The following RSPO3 variants were observed in gnomAD, a reference collection of about 807,000 sequenced individuals.
The protein encoded by RSPO3 is R-spondin 3.
Under a neutral mutation model 36.5 loss-of-function variants are expected in RSPO3, and 17 were observed. That is an observed-to-expected ratio of 0.47 (90% confidence interval 0.32 to 0.70). The LOEUF is 0.70. Among genes scored for constraint, RSPO3 ranks in the 30% least tolerant of loss-of-function variants. The pLI is 0.04. For missense variants in RSPO3, 294 were observed against 322.5 expected, an observed-to-expected ratio of 0.91 and a Z score of 0.68; for synonymous variants, 108 against 107.0, an observed-to-expected ratio of 1.01 and a Z score of -0.06.
intron 1 of RSPO3, among the ~76,000 whole-genome samples, chr6:127,132,821 C>T (rs541562382): frequency 2.6e-5 from 4 of 152,202 alleles, no homozygotes; most frequent in African/African-American, 9.6e-5. Flanking sequence ...AGGGATTACA[C>T]AGCTAAGCAA....
At chr6:127,184,768 G>C (rs1775257062) in intron 4 of RSPO3, among the ~76,000 whole-genome samples, 1 of 151,888 alleles carries the variant, frequency 6.6e-6, no homozygotes, top group Non-Finnish European at 1.5e-5. Context: ...AATTTCTAAA[G>C]AGCTCTTGTG....
intron 1 of RSPO3, among the ~76,000 whole-genome samples, chr6:127,120,222 T>A (rs1773814659): frequency 6.6e-6 from 1 of 152,148 alleles, no homozygotes; most frequent in African/African-American, 2.4e-5. Flanking sequence ...GGTAGAATCT[T>A]CCCAAGATGA....
chr6:127,178,537 A>G (rs1041903364), intron 4 of RSPO3, among the ~76,000 whole-genome samples: 1 of 151,796 alleles, frequency 6.6e-6, no homozygotes, highest in Non-Finnish European at 1.5e-5. Context: ...TGCTGGGTTA[A>G]GGGCCAACAT....
At chr6:127,184,844 T>C (rs1018328698) in intron 4 of RSPO3, among the ~76,000 whole-genome samples, 1 of 151,996 alleles carries the variant, frequency 6.6e-6, no homozygotes, top group East Asian at 1.9e-4. Flanking sequence ...TTGGAATTGA[T>C]ACTTAAAATT....
intron 4 of RSPO3, among the ~76,000 whole-genome samples, chr6:127,167,587 A>C (rs947794934): frequency 1.5e-4 from 23 of 151,804 alleles, no homozygotes; most frequent in African/African-American, 5.1e-4. Flanking sequence ...GAACATATGA[A>C]TGCATGTAGC....
At chr6:127,134,409 T>C (rs565643775) in intron 1 of RSPO3, among the ~76,000 whole-genome samples, 1 of 152,328 alleles carries the variant, frequency 6.6e-6, no homozygotes, top group African/African-American at 2.4e-5. Context: ...GAATTACTTT[T>C]CCCAAACACT....
rs1292976633 is a variant in RSPO3 at position 127,195,994 on chromosome 6, G to A, written c.806G>A (p.Ser269Asn). The stretch of plus-strand genomic sequence containing the variant: ...GATAAACAGAAATCGGTATCAGTCA[G>A]CACTGTACACTAGAGGGTTCCATGA... ...VQDKQKSVSV[S>N]TVH is the part of the protein sequence containing the mutation. Residue 269 changes from serine (S) to asparagine (N), a missense_variant, in exon 5 of 5, where the codon AGC (serine) becomes AAC (asparagine). Ser to Asn is a conservative substitution (Grantham distance 46). This residue lies in a region of RSPO3 where 190 missense variants were observed against 185.2 expected (regional missense o/e 1.03). Coordinates refer to ENST00000356698, the MANE Select transcript of RSPO3 (RefSeq NM_032784.5). 4 of 1,610,870 alleles carry A rather than the reference G, an allele frequency of 2.5e-6. No homozygotes were observed. The highest frequency in any genetic ancestry group is 1.1e-5 in the South Asian group (1 of 90,564).
chr6:127,160,501 T>C (rs944348563), intron 4 of RSPO3, among the ~76,000 whole-genome samples: 1 of 152,176 alleles, frequency 6.6e-6, no homozygotes, highest in Non-Finnish European at 1.5e-5. Flanking sequence ...TACTGCTCCT[T>C]ATGGAGCAGG....
intron 4 of RSPO3, among the ~76,000 whole-genome samples, chr6:127,167,533 T>C (rs1280636820): frequency 1.3e-5 from 2 of 151,478 alleles, no homozygotes; most frequent in Admixed American, 6.6e-5. Flanking sequence ...TGATCACCAT[T>C]TGGGTTGATT....
intron 4 of RSPO3, among the ~76,000 whole-genome samples, chr6:127,182,519 T>C (rs1775209905): frequency 6.6e-6 from 1 of 152,014 alleles, no homozygotes; most frequent in Non-Finnish European, 1.5e-5. Flanking sequence ...ATTAAGACAG[T>C]GTTCTTAGAG....
chr6:127,118,849 G>GCCT lies in RSPO3; in HGVS notation c.-342_-341insTCC, dbSNP rs1437294128. ...GGCCGCCGCTGCAGCCGCCGCCGCC[G>GCCT]CCGCTCGCCCGCCCGGATCCCGCCT... On this transcript the variant is annotated 5_prime_UTR_variant, in exon 1 of 5. Transcript: ENST00000356698. The GCCT allele has an allele frequency of 6.1e-6, 1 of 165,186 alleles. No individual in the cohort carries two copies. The highest frequency in any genetic ancestry group is 1.3e-5 in the Non-Finnish European group (1 of 77,448). 10.2% of individuals were successfully genotyped at this position (165,186 alleles called of 1,614,324 possible).
intron 4 of RSPO3, among the ~76,000 whole-genome samples, chr6:127,172,525 G>T (rs1433729737): frequency 6.6e-6 from 1 of 151,522 alleles, no homozygotes; most frequent in East Asian, 1.9e-4. Context: ...TGCAATGAAG[G>T]TAAATGGTTT....
intron 1 of RSPO3, among the ~76,000 whole-genome samples, chr6:127,129,217 G>T (rs112304229): frequency 0.013 from 1,980 of 152,132 alleles, 26 homozygotes; most frequent in Non-Finnish European, 0.022. Flanking sequence ...TTTGCAGTAG[G>T]TCATTTATTC....
intron 1 of RSPO3, among the ~76,000 whole-genome samples, chr6:127,143,996 T>C (rs777141659): frequency 6.6e-6 from 1 of 152,218 alleles, no homozygotes; most frequent in Non-Finnish European, 1.5e-5. Context: ...GCATCAGTTA[T>C]GTATCACAAG....
At chr6:127,141,650 C>G (rs1017424677) in intron 1 of RSPO3, among the ~76,000 whole-genome samples, 2 of 152,164 alleles carry the variant, frequency 1.3e-5, no homozygotes, top group Non-Finnish European at 2.9e-5. Context: ...AGACATTCCT[C>G]TCTGAGACTC....
intron 1 of RSPO3, among the ~76,000 whole-genome samples, chr6:127,124,280 C>T (rs558461178): frequency 6.8e-4 from 103 of 152,204 alleles, no homozygotes; most frequent in African/African-American, 2.3e-3. Flanking sequence ...TCACTATTCA[C>T]TCACATATCC....
intron 4 of RSPO3, among the ~76,000 whole-genome samples, chr6:127,180,769 A>G (rs183055786): frequency 6.6e-6 from 1 of 151,850 alleles, no homozygotes; most frequent in East Asian, 1.9e-4. Context: ...TTTCATAGAG[A>G]CCATTTATTA....
chr6:127,150,532 G>A lies in RSPO3; in HGVS notation c.396G>A (p.Gly132=). ...LGKCLDNCPE[G]LEANNHTMEC... ...AGTGCCTTGACAATTGCCCAGAAGG[G>A]TTGGAAGCCAACAACCATACTATGG... The change falls in exon 3 of 5, where the codon GGG becomes GGA. Residue 132 remains glycine (G), a synonymous_variant. Transcript: ENST00000356698. 4 of 1,611,916 alleles carry A rather than the reference G, an allele frequency of 2.5e-6. No homozygotes were observed. The highest frequency in any genetic ancestry group is 3.4e-6 in the Non-Finnish European group (4 of 1,178,848).
Position 127,119,216 on chromosome 6 carries a change from G to T in RSPO3, c.24G>T (p.Trp8Cys), listed in dbSNP as rs1190079229. The T allele has an allele frequency of 6.2e-7, 1 of 1,613,828 alleles. No individual in the cohort carries two copies. ...CTATGCACTTGCGACTGATTTCTTG[G>T]CTTTTTATCATTTTGAACTTTATGG... MHLRLIS[W>C]LFIILNFMEY... is the part of the protein sequence containing the mutation. Residue 8 changes from tryptophan (W) to cysteine (C), a missense_variant, in exon 1 of 5, where the codon TGG becomes TGT. Physicochemically the swap from Trp to Cys is radical, Grantham distance 215. Coordinates refer to ENST00000356698, the MANE Select transcript of RSPO3 (RefSeq NM_032784.5).
Sources: gnomAD v4.1 joint callset for allele counts (sites outside exome capture counted in the v4.1 genomes callset) on GRCh38, gnomAD v4.1.1 for gene constraint, gnomAD v4.1.1 regional missense constraint, MANE v1.5 for transcripts, NCBI Gene and HGNC (gene_info 2026-07-23, HGNC 2026-07-21) for gene names.